The following NXPE2 variants were observed in gnomAD, a reference collection of about 807,000 sequenced individuals.
NXPE2 encodes the protein neurexophilin and PC-esterase domain family member 2.
Under a neutral mutation model 34.4 loss-of-function variants are expected in NXPE2, and 34 were observed. The observed-to-expected ratio is 0.99, with a 90% CI of 0.75 to 1.31. The LOEUF (loss-of-function observed/expected upper bound fraction) is 1.31. Among genes scored for constraint, NXPE2 ranks in the 40% most tolerant of loss-of-function variants. The probability of loss-of-function intolerance (pLI) is 0.00; values close to 1 mark genes in which losing one functional copy is unlikely to be tolerated. For missense variants in NXPE2, 649 were observed against 672.5 expected (o/e 0.97, Z 0.39); for synonymous variants, 235 against 231.3 (o/e 1.02, Z -0.15).
the NXPE2 span, among the ~76,000 whole-genome samples, chr11:114,717,862 G>T: frequency 0.015 from 2,315 of 152,224 alleles, 64 homozygotes; most frequent in African/African-American, 0.053. Flanking sequence ...GAAGTGTTTG[G>T]GCCCTAGGAA....
chr11:114,577,060 T>TATATATATAAAGTTATATATATAC, the NXPE2 span, among the ~76,000 whole-genome samples: 124 of 48,368 alleles, frequency 2.6e-3, no homozygotes, highest in Non-Finnish European at 4.3e-3. Context: ...TATATATACA[T>TATATATATAAAGTTATATATATAC]ATATATATAT....
chr11:114,476,638 A>G, the NXPE2 span, among the ~76,000 whole-genome samples: 1 of 151,938 alleles, frequency 6.6e-6, no homozygotes, highest in African/African-American at 2.4e-5. Flanking sequence ...ACAAGGTGGC[A>G]AGAGAGAGAG....
At chr11:114,704,774 A>G (rs1396653216) in intron 4 of NXPE2, among the ~76,000 whole-genome samples, 1 of 152,188 alleles carries the variant, frequency 6.6e-6, no homozygotes. Context: ...AAAGTTCACA[A>G]TCTATGAAGA....
the NXPE2 span, chr11:114,583,215 G>T: frequency 1.4e-6 from 1 of 723,708 alleles, no homozygotes; most frequent in African/African-American, 1.8e-5. Flanking sequence ...AATGGAGATT[G>T]ACTGACAGGA....
the NXPE2 span, among the ~76,000 whole-genome samples, chr11:114,645,351 T>A: frequency 6.6e-6 from 1 of 151,924 alleles, no homozygotes; most frequent in African/African-American, 2.4e-5. Context: ...AGATTCCCTA[T>A]ACCACATCAT....
At chr11:114,571,011 C>T in the NXPE2 span, 15 of 1,613,160 alleles carry the variant, frequency 9.3e-6, no homozygotes, top group South Asian at 2.2e-5. Context: ...ATTATTTGTG[C>T]CATATGCAAT....
the NXPE2 span, among the ~76,000 whole-genome samples, chr11:114,735,952 A>G: frequency 6.6e-6 from 1 of 152,134 alleles, no homozygotes; most frequent in African/African-American, 2.4e-5. Flanking sequence ...TACAAAAGAG[A>G]GAAATTTTAA....
chr11:114,536,749 G>A, the NXPE2 span, among the ~76,000 whole-genome samples: 6 of 152,126 alleles, frequency 3.9e-5, no homozygotes, highest in Admixed American at 1.3e-4. Flanking sequence ...TTAAATCTCT[G>A]AATAGACCAA....
At chr11:114,750,603 G>C in the NXPE2 span, among the ~76,000 whole-genome samples, 1 of 152,104 alleles carries the variant, frequency 6.6e-6, no homozygotes, top group Non-Finnish European at 1.5e-5. Flanking sequence ...ATTTCTTATA[G>C]TATCTAGCCA....
At chr11:114,617,743 G>T in the NXPE2 span, among the ~76,000 whole-genome samples, 1 of 152,112 alleles carries the variant, frequency 6.6e-6, no homozygotes, top group African/African-American at 2.4e-5. Context: ...TTGCCTCCTT[G>T]GTAACCACTG....
At chr11:114,556,832 T>A in the NXPE2 span, among the ~76,000 whole-genome samples, 1 of 152,026 alleles carries the variant, frequency 6.6e-6, no homozygotes, top group Non-Finnish European at 1.5e-5. Flanking sequence ...TGTAATTTTA[T>A]CTTACTATTT....
chr11:114,802,090 G>T, the NXPE2 span, among the ~76,000 whole-genome samples: 9 of 152,178 alleles, frequency 5.9e-5, no homozygotes, highest in Non-Finnish European at 1.3e-4. Flanking sequence ...GAACCTTGGG[G>T]ATGCCAAGAT....
chr11:114,783,785 A>G, the NXPE2 span, among the ~76,000 whole-genome samples: 3 of 152,304 alleles, frequency 2.0e-5, no homozygotes, highest in South Asian at 2.1e-4. Flanking sequence ...CACATGGAGT[A>G]TTTGGTTAGT....
chr11:114,702,399 C>A (rs2135567877), intron 3 of NXPE2, among the ~76,000 whole-genome samples: 1 of 152,290 alleles, frequency 6.6e-6, no homozygotes. Context: ...TTGTTATCCT[C>A]AGCCTTACCT....
the NXPE2 span, among the ~76,000 whole-genome samples, chr11:114,594,207 G>T: frequency 6.6e-6 from 1 of 151,996 alleles, no homozygotes; most frequent in Non-Finnish European, 1.5e-5. Context: ...CACAAGAAAG[G>T]ATAAATTCTT....
the NXPE2 span, among the ~76,000 whole-genome samples, chr11:114,669,745 A>C: frequency 2.0e-5 from 3 of 152,018 alleles, no homozygotes; most frequent in African/African-American, 2.4e-5. Flanking sequence ...TTCCAAGGGC[A>C]CTGACTTTAT....
the NXPE2 span, among the ~76,000 whole-genome samples, chr11:114,544,245 A>T: frequency 2.0e-5 from 3 of 152,188 alleles, no homozygotes; most frequent in Admixed American, 6.5e-5. Flanking sequence ...GAAATTTTAT[A>T]TGGAAAGGTA....
the NXPE2 span, among the ~76,000 whole-genome samples, chr11:114,497,058 G>A: frequency 1.7e-4 from 26 of 152,060 alleles, no homozygotes; most frequent in African/African-American, 6.0e-4. Context: ...ACAGCCTCAG[G>A]CAGGTCCTGC....
At chr11:114,746,205 G>T in the NXPE2 span, among the ~76,000 whole-genome samples, 1 of 152,032 alleles carries the variant, frequency 6.6e-6, no homozygotes, top group Non-Finnish European at 1.5e-5. Flanking sequence ...CAGTCATGTT[G>T]TACTCTCGGT....
Sources: gnomAD v4.1 joint callset for allele counts (sites outside exome capture counted in the v4.1 genomes callset) on GRCh38, gnomAD v4.1.1 for gene constraint, MANE v1.5 for transcripts, NCBI Gene and HGNC (gene_info 2026-07-23, HGNC 2026-07-21) for gene names.